The following CCR7 variants were observed in gnomAD, a reference collection of about 807,000 sequenced individuals.
CCR7 encodes C-C motif chemokine receptor 7, also known as C-C chemokine receptor type 7.
CCR7 carries 11 observed loss-of-function variants against 26.0 expected under a neutral mutation model. The ratio of observed to expected loss-of-function variants is 0.42; its 90% confidence interval spans 0.27 to 0.70. The LOEUF is 0.70. CCR7 is among the 30% of genes least tolerant of loss of function. CCR7 has a pLI of 0.23. For missense variants in CCR7, 360 were observed against 504.0 expected, an observed-to-expected ratio of 0.71 and a Z score of 2.74; for synonymous variants, 189 against 202.1, an observed-to-expected ratio of 0.94 and a Z score of 0.55.
At chr17:40,557,619 C>T (rs913756062) in intron 2 of CCR7, among the ~76,000 whole-genome samples, 9 of 152,210 alleles carry the variant, frequency 5.9e-5, no homozygotes, top group African/African-American at 9.6e-5. Flanking sequence ...GCCATGGTTA[C>T]GGCCCAAGGC....
Position 40,565,468 on chromosome 17 carries a change from T to G in CCR7, c.-59A>C, listed in dbSNP as rs1325934390. The G allele has an allele frequency of 3.2e-6, 5 of 1,579,740 alleles. No homozygotes were observed. Among genetic ancestry groups the G allele is most frequent in the African/African-American group, 1.3e-5 (1 of 74,236 alleles). ...GCTGTGCCCGGCCTCGCACTACCCCTGTCTGGGGAGGAAGTGGTTCAAGCC... is the reference window on the plus strand; with the variant it reads ...GCTGTGCCCGGCCTCGCACTACCCCGGTCTGGGGAGGAAGTGGTTCAAGCC... On this transcript the variant is annotated 5_prime_UTR_variant, in exon 1 of 3. Transcript: ENST00000246657.
intron 1 of CCR7, among the ~76,000 whole-genome samples, chr17:40,562,694 G>A (rs563678005): frequency 4.0e-4 from 61 of 152,178 alleles, no homozygotes; most frequent in African/African-American, 1.3e-3. Flanking sequence ...CTGTGCCTGC[G>A]TCCTTCCTCC....
Position 40,554,458 on chromosome 17 carries a change from C to T in CCR7, c.*284G>A, listed in dbSNP as rs374887833. On this transcript the variant is annotated 3_prime_UTR_variant, in exon 3 of 3. Coordinates refer to ENST00000246657, the MANE Select transcript of CCR7 (RefSeq NM_001838.4). The stretch of plus-strand genomic sequence containing the variant: ...TCACTCCAGCAGGTGGGAACAGTTT[C>T]TGGACTTTCACTTTCAGTTTTTGGT... The T allele has an allele frequency of 2.4e-6, 1 of 424,258 alleles. No homozygotes were observed. The allele number at this position is 424,258 out of a possible 1,614,324, so 26.3% of individuals were successfully genotyped here.
In CCR7 at chr17:40,554,048, A is replaced by T. The variant is rs1189515964; in HGVS notation, c.*694T>A. The T allele has an allele frequency of 1.3e-5, 2 of 152,248 alleles. No individual in the cohort carries two copies. The highest frequency in any genetic ancestry group is 2.9e-5 in the Non-Finnish European group (2 of 68,082). The allele number at this position is 152,248 out of a possible 1,614,324, so 9.4% of individuals were successfully genotyped here. ...GCATGTCATCCCCACTCTGGAGCCC[A>T]GAGTGTGGCTTTGATCACGCGGAGG... On this transcript the variant is annotated 3_prime_UTR_variant, in exon 3 of 3. Transcript: ENST00000246657.
intron 1 of CCR7, 84 bp from the exon 2 acceptor site, chr17:40,559,026 T>C (rs778723333): frequency 3.7e-5 from 43 of 1,149,722 alleles, no homozygotes; most frequent in Non-Finnish European, 5.3e-5. Context: ...GGAGACGCTG[T>C]TGGGAACTTT....
Position 40,555,656 on chromosome 17 carries a change from C to T in CCR7, c.223G>A (p.Gly75Ser), listed in dbSNP as rs527363153. 1 of 1,614,126 alleles carries T rather than the reference C, an allele frequency of 6.2e-7. No individual in the cohort carries two copies. The highest frequency in any genetic ancestry group is 8.5e-7 in the Non-Finnish European group (1 of 1,180,032). ...TAGGTCAACACGACCAGCCCATTGC[C>T]CAGTAGGCCCACGAAACAAATGATG... The part of the protein sequence containing the change: ...YSIICFVGLL[G>S]NGLVVLTYIY... Residue 75 changes from glycine to serine, a missense_variant, in exon 3 of 3, where the codon GGC becomes AGC. By Grantham distance (56) the Gly-to-Ser change is moderately conservative. Transcript: ENST00000246657. This position sits in a 1 kb window ranked among gnomAD's most constrained non-coding sequence, Gnocchi z 5.6.
In CCR7 at chr17:40,554,504, T is replaced by C; in HGVS notation, c.*238A>G. On this transcript the variant is annotated 3_prime_UTR_variant, in exon 3 of 3. Coordinates refer to ENST00000246657, the MANE Select transcript of CCR7 (RefSeq NM_001838.4). ...TTGGTTTAGGGGACAATAGCCTCTGTTTCCCAGTGTTGTCTGTCTGGTGTT... is the reference window on the plus strand; with the variant it reads ...TTGGTTTAGGGGACAATAGCCTCTGCTTCCCAGTGTTGTCTGTCTGGTGTT... 1.8e-6 allele frequency: 1 copy of C among 540,994 alleles called. No homozygotes were observed. The highest frequency in any genetic ancestry group is 3.1e-5 in the East Asian group (1 of 32,522). The allele number at this position is 540,994 out of a possible 1,614,324, so 33.5% of individuals were successfully genotyped here. A position where few individuals can be genotyped will look rare whatever the true frequency, so the allele number is the denominator to read the frequency against.
At chr17:40,559,522 G>A (rs1439071522) in intron 1 of CCR7, among the ~76,000 whole-genome samples, 1 of 152,222 alleles carries the variant, frequency 6.6e-6, no homozygotes, top group Non-Finnish European at 1.5e-5. Flanking sequence ...CACAGGCTGG[G>A]TAGAGGGATG....
In CCR7 at chr17:40,555,083, T is replaced by C. The variant is rs746202899; in HGVS notation, c.796A>G (p.Ile266Val). 6.2e-7 allele frequency: 1 copy of C among 1,614,186 alleles called. No homozygotes were observed. Among genetic ancestry groups the C allele is most frequent in the Non-Finnish European group, 8.5e-7 (1 of 1,180,034 alleles). ...ACTATGAAGACCACGACCACAGCGA[T>C]GATCACCTTGATGGCCTTGTTGCGC... ...FERNKAIKVI[I>V]AVVVVFIVFQ... Residue 266 changes from isoleucine (I) to valine (V), a missense_variant, in exon 3 of 3, where the codon ATC (isoleucine) becomes GTC (valine). By Grantham distance (29) the Ile-to-Val change is conservative. Transcript: ENST00000246657. The surrounding 1 kb of genome is among the most constrained non-coding windows in gnomAD (Gnocchi z 5.6).
chr17:40,565,053 C>T (rs2036694444), intron 1 of CCR7, among the ~76,000 whole-genome samples: 1 of 152,046 alleles, frequency 6.6e-6, no homozygotes, highest in African/African-American at 2.4e-5. Flanking sequence ...GAGGGCCTAA[C>T]CTATCACCCT....
intron 2 of CCR7, among the ~76,000 whole-genome samples, chr17:40,557,121 ATCTC>A (rs754011177): frequency 9.9e-5 from 15 of 152,138 alleles, no homozygotes; most frequent in Admixed American, 3.3e-4. Flanking sequence ...TCTTCCTCGC[ATCTC>A]TTCCGGCAGA....
intron 1 of CCR7, among the ~76,000 whole-genome samples, chr17:40,564,816 A>G (rs1046605486): frequency 1.3e-5 from 2 of 152,214 alleles, no homozygotes; most frequent in African/African-American, 4.8e-5. Flanking sequence ...AGCCAGATCA[A>G]AGCAGGTGGG....
chr17:40,564,465 C>T (rs995178509), intron 1 of CCR7, among the ~76,000 whole-genome samples: 18 of 152,148 alleles, frequency 1.2e-4, no homozygotes, highest in African/African-American at 1.2e-4. Context: ...GCTTTGAGGC[C>T]GCCGTGGTGC....
Position 40,555,856 on chromosome 17 carries a change from G to C in CCR7, c.61-38C>G. 1 of 1,451,134 alleles carries C rather than the reference G, an allele frequency of 6.9e-7. No homozygotes were observed. The highest frequency in any genetic ancestry group is 9.6e-7 in the Non-Finnish European group (1 of 1,041,492). 89.9% of individuals were successfully genotyped at this position (1,451,134 alleles called of 1,614,324 possible). A position where few individuals can be genotyped will look rare whatever the true frequency, so the allele number is the denominator to read the frequency against. Reference sequence around the variant, plus strand: ...AAATGAGGGAAAACAGGCCAGTTTAGCTGGGTGGCTCCAACTCTGGCTGGG... The same window carrying C: ...AAATGAGGGAAAACAGGCCAGTTTACCTGGGTGGCTCCAACTCTGGCTGGG... On this transcript the variant is annotated intron_variant, in intron 2 of 2. Transcript: ENST00000246657. This position sits in a 1 kb window ranked among gnomAD's most constrained non-coding sequence, Gnocchi z 5.6.
intron 2 of CCR7, among the ~76,000 whole-genome samples, chr17:40,557,830 G>C (rs1379605251): frequency 6.6e-6 from 1 of 152,172 alleles, no homozygotes; most frequent in Non-Finnish European, 1.5e-5. Flanking sequence ...CCCTATCTGA[G>C]CACCCCCTCC....
At chr17:40,564,511 G>A (rs1370825375) in intron 1 of CCR7, among the ~76,000 whole-genome samples, 3 of 152,206 alleles carry the variant, frequency 2.0e-5, no homozygotes, top group Admixed American at 6.5e-5. Flanking sequence ...CTAGGAACCT[G>A]GTCTTCTTAG....
intron 1 of CCR7, among the ~76,000 whole-genome samples, chr17:40,563,368 C>T (rs2036673567): frequency 1.3e-5 from 2 of 152,292 alleles, no homozygotes; most frequent in African/African-American, 4.8e-5. Flanking sequence ...AGCTGTGAGG[C>T]ACACATCTCT....
In CCR7 at chr17:40,554,937, C is replaced by T. The variant is rs748229454; in HGVS notation, c.942G>A (p.Leu314=). The part of the protein sequence containing the change: ...LNIAYDVTYS[L]ACVRCCVNPF... ...GGTTGACGCAGCAGCGGACGCAGGC[C>T]AGGCTGTAGGTGACGTCGTAGGCGA... The change falls in exon 3 of 3, where the codon CTG becomes CTA. Residue 314 remains leucine, a synonymous_variant. Transcript: ENST00000246657. 3 of 1,614,090 alleles carry T rather than the reference C, an allele frequency of 1.9e-6. No homozygotes were observed. Among genetic ancestry groups the T allele is most frequent in the African/African-American group, 2.7e-5 (2 of 74,926 alleles).
At chr17:40,565,039 C>T (rs1343346621) in intron 1 of CCR7, among the ~76,000 whole-genome samples, 1 of 152,046 alleles carries the variant, frequency 6.6e-6, no homozygotes, top group Non-Finnish European at 1.5e-5. Flanking sequence ...CCCCAGAGGT[C>T]CCAGAGGGCC....
Sources: gnomAD v4.1 joint callset for allele counts (sites outside exome capture counted in the v4.1 genomes callset) on GRCh38, gnomAD v4.1.1 for gene constraint, Gnocchi (gnomAD v3.1) non-coding constraint, MANE v1.5 for transcripts, NCBI Gene and HGNC (gene_info 2026-07-23, HGNC 2026-07-21) for gene names.